Variants in TAF3 observed in about 807,000 individuals in gnomAD.
TAF3 encodes TATA-box binding protein associated factor 3, also known as transcription initiation factor TFIID subunit 3.
Under a neutral mutation model 80.6 loss-of-function variants are expected in TAF3, and 7 were observed. That is an observed-to-expected ratio of 0.09 (90% CI 0.05 to 0.16). TAF3 has a LOEUF of 0.16. Among genes scored for constraint, TAF3 ranks in the 10% least tolerant of loss-of-function variants. TAF3 has a pLI of 1.00. For synonymous variants in TAF3, 444 were observed against 446.1 expected (o/e 1.00, Z 0.06); for missense variants, 921 against 1,140.2 (o/e 0.81, Z 2.77).
At chr10:7,938,178 T>A (rs1837940473) in intron 2 of TAF3, among the ~76,000 whole-genome samples, 1 of 152,220 alleles carries the variant, frequency 6.6e-6, no homozygotes, top group Non-Finnish European at 1.5e-5. Context: ...GTGGCATCCC[T>A]GCCTAAAGAT....
At chr10:7,935,805 A>T (rs1837914057) in intron 2 of TAF3, among the ~76,000 whole-genome samples, 1 of 152,172 alleles carries the variant, frequency 6.6e-6, no homozygotes, top group Admixed American at 6.5e-5. Flanking sequence ...CTTCTCATTG[A>T]TTCAGGAGAA....
chr10:7,878,876 C>A (rs945560244), intron 2 of TAF3, among the ~76,000 whole-genome samples: 2 of 152,000 alleles, frequency 1.3e-5, no homozygotes, highest in Admixed American at 1.3e-4. Flanking sequence ...CACAGGCACA[C>A]ACCACCACAC....
At chr10:7,991,186 T>TAC (rs750581407) in intron 4 of TAF3, among the ~76,000 whole-genome samples, 2 of 151,946 alleles carry the variant, frequency 1.3e-5, no homozygotes, top group African/African-American at 2.4e-5. Context: ...TATGTATAGA[T>TAC]ACACACACAC....
intron 2 of TAF3, among the ~76,000 whole-genome samples, chr10:7,878,387 T>A (rs973301755): frequency 2.6e-5 from 4 of 152,280 alleles, no homozygotes; most frequent in Middle Eastern, 3.4e-3. Flanking sequence ...ATCCAGGCCC[T>A]CAGAGCACTT....
intron 1 of TAF3, 110 bp from the exon 2 acceptor site, chr10:7,824,207 TA>T: frequency 1.6e-6 from 2 of 1,248,732 alleles, no homozygotes; most frequent in Non-Finnish European, 2.2e-6. Context: ...ATAACTAGGT[TA>T]AAATGTTTGA....
rs1247530381 is a variant in TAF3 at position 7,851,347 on chromosome 10, G to T, written c.409+26787G>T. 2.0e-5 allele frequency among the ~76,000 whole-genome samples: 3 copies of T among 152,200 alleles called. 1 individual carries two copies. In the South Asian group the frequency reaches 6.2e-4, roughly 31 times the overall value. On this transcript the variant is annotated intron_variant, in intron 2 of 6. Coordinates refer to ENST00000344293, the MANE Select transcript of TAF3 (RefSeq NM_031923.4). The stretch of plus-strand genomic sequence containing the variant: ...CACATGGCTGCGGTGTTTGGGCACA[G>T]TGTGGAGGTCAGTGTGACTGGAACA...
intron 2 of TAF3, among the ~76,000 whole-genome samples, chr10:7,881,801 T>G (rs967631911): frequency 6.6e-6 from 1 of 152,246 alleles, no homozygotes; most frequent in African/African-American, 2.4e-5. Context: ...TTTCCTTTAC[T>G]GTGTAACTTT....
At chr10:7,879,080 T>G (rs958005192) in intron 2 of TAF3, among the ~76,000 whole-genome samples, 1 of 152,196 alleles carries the variant, frequency 6.6e-6, no homozygotes, top group East Asian at 1.9e-4. Context: ...AATACAGATA[T>G]CTTTTTGAAG....
intron 1 of TAF3, among the ~76,000 whole-genome samples, chr10:7,819,947 A>G (rs1056153030): frequency 6.6e-6 from 1 of 152,200 alleles, no homozygotes; most frequent in Non-Finnish European, 1.5e-5. Context: ...TATTCTTAAA[A>G]ACATTTTAAC....
chr10:7,974,669 A>G (rs952802387), intron 3 of TAF3, among the ~76,000 whole-genome samples: 1 of 152,172 alleles, frequency 6.6e-6, no homozygotes, highest in African/African-American at 2.4e-5. Context: ...TGAGGAATGA[A>G]GAAGAAGTGA....
chr10:7,836,145 G>T (rs772960465), intron 2 of TAF3, among the ~76,000 whole-genome samples: 1 of 151,998 alleles, frequency 6.6e-6, no homozygotes, highest in Non-Finnish European at 1.5e-5. Flanking sequence ...TGTTTCTCAC[G>T]TTACTTAGTT....
chr10:7,940,667 CAT>C (rs1837967439), intron 2 of TAF3, among the ~76,000 whole-genome samples: 1 of 152,234 alleles, frequency 6.6e-6, no homozygotes, highest in Admixed American at 6.5e-5. Context: ...TAAGAAATAA[CAT>C]AGTGGCCAGG....
chr10:7,980,009 G>T (rs997464513), intron 4 of TAF3, among the ~76,000 whole-genome samples: 2 of 152,136 alleles, frequency 1.3e-5, no homozygotes, highest in Non-Finnish European at 2.9e-5. Flanking sequence ...GTGATCCTCC[G>T]TGGTTGTAGC....
chr10:7,971,170 T>C (rs1266402221), intron 3 of TAF3, among the ~76,000 whole-genome samples: 3 of 152,228 alleles, frequency 2.0e-5, no homozygotes, highest in African/African-American at 4.8e-5. Flanking sequence ...GCACTTGTTA[T>C]ACTTAACCAC....
At chr10:7,843,031 T>A (rs967168448) in intron 2 of TAF3, among the ~76,000 whole-genome samples, 2 of 152,228 alleles carry the variant, frequency 1.3e-5, no homozygotes, top group African/African-American at 4.8e-5. Flanking sequence ...GTAGTCTGTG[T>A]CTGTCTGGGG....
chr10:7,944,400 A>G (rs530613369), intron 2 of TAF3, among the ~76,000 whole-genome samples: 1 of 152,354 alleles, frequency 6.6e-6, no homozygotes, highest in South Asian at 2.1e-4. Context: ...CAGTAAGACC[A>G]TCAACAGACT....
At chr10:7,926,636 A>G (rs749987546) in intron 2 of TAF3, among the ~76,000 whole-genome samples, 4 of 152,218 alleles carry the variant, frequency 2.6e-5, no homozygotes, top group African/African-American at 4.8e-5. Flanking sequence ...TAAAATCTGT[A>G]TAATTACTCT....
At chr10:7,842,151 G>GTGT (rs1836921406) in intron 2 of TAF3, among the ~76,000 whole-genome samples, 1 of 98,748 alleles carries the variant, frequency 1.0e-5, no homozygotes, top group Non-Finnish European at 2.1e-5. Flanking sequence ...AATTAATATT[G>GTGT]TTTTTTTTTT....
chr10:7,980,113 G>C (rs1831711868), intron 4 of TAF3, among the ~76,000 whole-genome samples: 1 of 152,224 alleles, frequency 6.6e-6, no homozygotes, highest in Admixed American at 6.5e-5. Flanking sequence ...CACACCTTGG[G>C]GGGGAATAAT....
Sources: allele counts gnomAD v4.1 joint callset (sites outside exome capture counted in the v4.1 genomes callset), GRCh38; gene constraint gnomAD v4.1.1; transcripts MANE v1.5; gene names NCBI Gene and HGNC (gene_info 2026-07-23, HGNC 2026-07-21).